Variants in AGRN observed in about 807,000 individuals in gnomAD.
The protein encoded by AGRN is agrin.
AGRN carries 106 observed loss-of-function variants against 211.0 expected under a neutral mutation model. The observed-to-expected ratio is 0.50, with a 90% CI of 0.43 to 0.59. The LOEUF (loss-of-function observed/expected upper bound fraction) is 0.59. Ranked by LOEUF, AGRN falls within the 20% of genes least tolerant of loss-of-function variation. The pLI, the probability that AGRN is intolerant of heterozygous loss-of-function variation, is 0.00. For synonymous variants in AGRN, 1,525 were observed against 1,332.5 expected, an observed-to-expected ratio of 1.14 and a Z score of -3.15; for missense variants, 3,040 against 2,982.6, an observed-to-expected ratio of 1.02 and a Z score of -0.45.
Position 1,041,547 on chromosome 1 carries a change from A to G in AGRN, c.1022A>G (p.Glu341Gly). ...CRVNPRTRRP[E>G]MLLRPESCPA... ...GTGAACCCGCGCACGCGGCGCCCTG[A>G]GATGCTCCTACGGCCCGAGAGCTGC... Residue 341 changes from glutamate (E) to glycine (G), a missense_variant, in exon 6 of 36, where the codon GAG (glutamate) becomes GGG (glycine). Around this residue, in one of 3 missense-constraint regions of AGRN, gnomAD observed 1,498 missense variants for 1,457.8 expected, o/e 1.03. Coordinates refer to ENST00000379370, the MANE Select transcript of AGRN (RefSeq NM_198576.4). 1 of 1,607,582 alleles carries G rather than the reference A, an allele frequency of 6.2e-7. No individual in the cohort carries two copies.
chr1:1,024,733 C>T (rs986843606), intron 2 of AGRN, among the ~76,000 whole-genome samples: 1 of 152,182 alleles, frequency 6.6e-6, no homozygotes, highest in Admixed American at 6.5e-5. Context: ...ATCTTCCTGG[C>T]CCTGCCCAGC....
rs927394704 is a variant in AGRN at position 1,032,991 on chromosome 1, G to A, written c.464-2286G>A. On this transcript the variant is annotated intron_variant, in intron 2 of 35. Coordinates refer to ENST00000379370, the MANE Select transcript of AGRN (RefSeq NM_198576.4). The surrounding 1 kb of genome is among the most constrained non-coding windows in gnomAD (Gnocchi z 4.7). ...GCCAGGGAGAGGGGCGACCTACGGGGGCGGGTGTGGGGACGCCGGACTACG... is the reference window on the plus strand; with the variant it reads ...GCCAGGGAGAGGGGCGACCTACGGGAGCGGGTGTGGGGACGCCGGACTACG... 3.9e-5 allele frequency among the ~76,000 whole-genome samples: 6 copies of A among 152,066 alleles called. No homozygotes were observed. Among genetic ancestry groups the A allele is most frequent in the African/African-American group, 1.2e-4 (5 of 41,418 alleles).
chr1:1,050,321 G>A lies in AGRN; in HGVS notation c.4968G>A (p.Arg1656=). 1 of 1,612,962 alleles carries A rather than the reference G, an allele frequency of 6.2e-7. No homozygotes were observed. The highest frequency in any genetic ancestry group is 8.5e-7 in the Non-Finnish European group (1 of 1,179,932). The part of the protein sequence containing the change: ...LELRGLHTFA[R]DLGEKMALEV... The stretch of plus-strand genomic sequence containing the variant: ...TGAGAGGCCTGCACACCTTTGCACG[G>A]GACCTGGGGTCGGTGGGGCAGGAGC... Residue 1656 remains arginine (R), a synonymous_variant, in exon 28 of 36, where the codon CGG becomes CGA. Transcript: ENST00000379370.
chr1:1,051,185 A>T, intron 30 of AGRN, 68 bp from the exon 31 acceptor site: 1 of 1,531,376 alleles, frequency 6.5e-7, no homozygotes, highest in Non-Finnish European at 8.8e-7. Context: ...GGGTGCGTGC[A>T]GGTGCCTGGG....
chr1:1,049,388 C>T lies in AGRN; in HGVS notation c.4451C>T (p.Thr1484Ile). 1 of 1,598,906 alleles carries T rather than the reference C, an allele frequency of 6.3e-7. No homozygotes were observed. The change falls in exon 25 of 36, where the codon ACC (threonine) becomes ATC (isoleucine). Residue 1484 changes from threonine (T) to isoleucine (I), a missense_variant. By Grantham distance (89) the Thr-to-Ile change is moderately conservative. Coordinates refer to ENST00000379370, the MANE Select transcript of AGRN (RefSeq NM_198576.4). ...GTTCTGGGCGAGAGTCCCAGTGGCA[C>T]CGACGGCCTCAACCTGGACACAGAC... ...TPVLGESPSG[T>I]DGLNLDTDLF... is the part of the protein sequence containing the mutation.
intron 35 of AGRN, 59 bp from the exon 36 acceptor site, chr1:1,054,764 TG>T (rs1029590989): frequency 2.0e-6 from 3 of 1,534,164 alleles, no homozygotes; most frequent in Non-Finnish European, 2.6e-6. Flanking sequence ...ACCTGCTCGT[TG>T]GGGTGCCCAT....
chr1:1,047,696 T>A lies in AGRN; in HGVS notation c.3631+9T>A. ...TGTGCACTTTGACCCCAGTGAGACCTGCACCCTGGACCCTTCCTGGGAGGC... is the reference window on the plus strand; with the variant it reads ...TGTGCACTTTGACCCCAGTGAGACCAGCACCCTGGACCCTTCCTGGGAGGC... On this transcript the variant is annotated intron_variant, in intron 21 of 35. Coordinates refer to ENST00000379370, the MANE Select transcript of AGRN (RefSeq NM_198576.4). 1.2e-6 allele frequency: 2 copies of A among 1,612,996 alleles called. No homozygotes were observed. The highest frequency in any genetic ancestry group is 1.7e-6 in the Non-Finnish European group (2 of 1,179,988).
chr1:1,054,443 C>G lies in AGRN; in HGVS notation c.5877-5C>G. The G allele has an allele frequency of 1.3e-6, 2 of 1,575,052 alleles. No individual in the cohort carries two copies. The highest frequency in any genetic ancestry group is 8.6e-7 in the Non-Finnish European group (1 of 1,159,808). Reference sequence around the variant, plus strand: ...CTGATGGTCTCCCCCTCCCTGCACACCCAGGGAGCAGAGGGAAGGTTCCCT... The same window carrying G: ...CTGATGGTCTCCCCCTCCCTGCACAGCCAGGGAGCAGAGGGAAGGTTCCCT... On this transcript the variant is annotated splice_polypyrimidine_tract_variant and splice_region_variant and intron_variant, in intron 34 of 35. Coordinates refer to ENST00000379370, the MANE Select transcript of AGRN (RefSeq NM_198576.4).
intron 2 of AGRN, chr1:1,034,511 GC>G: frequency 1.0e-6 from 1 of 985,820 alleles, no homozygotes; most frequent in South Asian, 4.7e-5. Flanking sequence ...CCCGTGAGGA[GC>G]CCCCACGCTC....
intron 2 of AGRN, among the ~76,000 whole-genome samples, chr1:1,028,179 G>GA (rs1187838756): frequency 1.3e-5 from 2 of 152,194 alleles, no homozygotes; most frequent in African/African-American, 4.8e-5. Context: ...AACCGTGGGA[G>GA]AAAGAGGCTG....
intron 3 of AGRN, among the ~76,000 whole-genome samples, chr1:1,039,223 T>G: frequency 6.7e-6 from 1 of 148,970 alleles, no homozygotes; most frequent in South Asian, 2.1e-4. Flanking sequence ...AGCCAAGGTT[T>G]GGGGAGGAAG....
intron 34 of AGRN, 97 bp from the exon 35 acceptor site, chr1:1,054,351 G>A: frequency 8.6e-7 from 1 of 1,163,294 alleles, no homozygotes; most frequent in Non-Finnish European, 1.2e-6. Context: ...TCCAGGCTGA[G>A]GCACCTGCAG....
intron 33 of AGRN, chr1:1,053,402 G>A (rs1415299410): frequency 1.2e-5 from 16 of 1,322,648 alleles, no homozygotes; most frequent in Non-Finnish European, 1.5e-5. Context: ...GTTGAGATGG[G>A]TTTGCATTGG....
rs781159362 is a variant in AGRN, at chr1:1,022,261, G to A, written c.262G>A (p.Gly88Ser). 1.1e-5 allele frequency: 17 copies of A among 1,613,100 alleles called. No homozygotes were observed. Among genetic ancestry groups the A allele is most frequent in the South Asian group, 4.4e-5 (4 of 91,090 alleles). ...GGTGGCCCGGGAGAGCCTGCTGGAC[G>A]GCGGCAACAAGGTGGTGATCAGCGG... Reference protein sequence around the residue: ...DLVARESLLDGGNKVVISGFG... With the variant: ...DLVARESLLDSGNKVVISGFG... Residue 88 changes from glycine to serine, a missense_variant, in exon 2 of 36, where the codon GGC becomes AGC. Gly to Ser is a moderately conservative substitution (Grantham distance 56). Around this residue, in one of 3 missense-constraint regions of AGRN, gnomAD observed 1,498 missense variants for 1,457.8 expected, o/e 1.03. Coordinates refer to ENST00000379370, the MANE Select transcript of AGRN (RefSeq NM_198576.4).
intron 2 of AGRN, among the ~76,000 whole-genome samples, chr1:1,023,913 G>A (rs574688478): frequency 6.6e-6 from 1 of 152,298 alleles, no homozygotes; most frequent in Admixed American, 6.5e-5. Flanking sequence ...ACTCAGGGAC[G>A]AGCTCCAGGT....
In AGRN at chr1:1,045,489, A is replaced by C. The variant is rs1324178455; in HGVS notation, c.2502A>C (p.Arg834=). 6.2e-7 allele frequency: 1 copy of C among 1,612,814 alleles called. No homozygotes were observed. Among genetic ancestry groups the C allele is most frequent in the Non-Finnish European group, 8.5e-7 (1 of 1,179,956 alleles). ...DRCEPGFWNF[R]GIVTDGRSGC... ...GTGAGCCTGGCTTCTGGAACTTTCG[A>C]GGCATCGTCACCGATGGCCGGAGTG... is the stretch of plus-strand genomic sequence containing the variant. The change falls in exon 14 of 36, where the codon CGA becomes CGC. Residue 834 remains arginine (R), a synonymous_variant. Transcript: ENST00000379370.
Position 1,049,883 on chromosome 1 carries a change from TC to T in AGRN, c.4745-17del. ...ACGCCTCCTGGGACCTCGGTCCCGGTCCCGTCTTCCTCCATCCAGGACCAAC... is the reference window on the plus strand; with the variant it reads ...ACGCCTCCTGGGACCTCGGTCCCGGTCCGTCTTCCTCCATCCAGGACCAAC... On this transcript the variant is annotated intron_variant, in intron 26 of 35. Transcript: ENST00000379370. 1.2e-6 allele frequency: 2 copies of T among 1,610,472 alleles called. No individual in the cohort carries two copies. Among genetic ancestry groups the T allele is most frequent in the East Asian group, 4.5e-5 (2 of 44,762 alleles).
intron 33 of AGRN, chr1:1,053,487 T>C (rs1645367232): frequency 1.3e-6 from 2 of 1,511,592 alleles, no homozygotes; most frequent in Non-Finnish European, 1.8e-6. Context: ...TCCGGGGCCC[T>C]TCACAGGTGA....
At chr1:1,052,281 C>G (rs1033455433) in intron 33 of AGRN, 3 of 355,078 alleles carry the variant, frequency 8.4e-6, no homozygotes, top group Non-Finnish European at 1.7e-5. Context: ...TGTCTGTGTC[C>G]GTGTGCACTT....
Sources: gnomAD v4.1 joint callset for allele counts (sites outside exome capture counted in the v4.1 genomes callset) on GRCh38, gnomAD v4.1.1 for gene constraint, gnomAD v4.1.1 regional missense constraint, Gnocchi (gnomAD v3.1) non-coding constraint, MANE v1.5 for transcripts, NCBI Gene and HGNC (gene_info 2026-07-23, HGNC 2026-07-21) for gene names.